The following HMGA2 variants were observed in gnomAD, a reference collection of about 807,000 sequenced individuals.
HMGA2 encodes high mobility group protein HMGI-C.
HMGA2 carries 8 observed loss-of-function variants against 19.1 expected under a neutral mutation model. The ratio of observed to expected loss-of-function variants is 0.42; its 90% CI spans 0.25 to 0.76. The LOEUF is 0.76. Ranked by LOEUF, HMGA2 falls within the 30% of genes least tolerant of loss-of-function variation. The pLI is 0.28. For synonymous variants in HMGA2, 60 were observed against 48.8 expected, an observed-to-expected ratio of 1.23 and a Z score of -0.96; for missense variants, 109 against 136.3, an observed-to-expected ratio of 0.80 and a Z score of 1.00.
chr12:65,907,634 G>T (rs929162572), intron 3 of HMGA2, among the ~76,000 whole-genome samples: 2 of 152,092 alleles, frequency 1.3e-5, no homozygotes, highest in Admixed American at 6.6e-5. Flanking sequence ...TGAGAATAGG[G>T]AACCGAAAGA....
intron 3 of HMGA2, among the ~76,000 whole-genome samples, chr12:65,861,362 T>C (rs977057616): frequency 6.6e-6 from 1 of 151,670 alleles, no homozygotes; most frequent in African/African-American, 2.4e-5. Context: ...CAAGACTCCG[T>C]CTCAAAACAA....
At chr12:65,826,337 C>A (rs1024322950) in intron 1 of HMGA2, 3 of 152,204 alleles carry the variant, frequency 2.0e-5, no homozygotes, top group African/African-American at 7.2e-5. Context: ...GAGCTGCGCT[C>A]AGCGCGCAGG....
At chr12:65,862,904 A>G (rs890649494) in intron 3 of HMGA2, among the ~76,000 whole-genome samples, 2 of 152,222 alleles carry the variant, frequency 1.3e-5, no homozygotes, top group Admixed American at 1.3e-4. Context: ...TCAACTGCCA[A>G]CGGCAGTATG....
intron 2 of HMGA2, among the ~76,000 whole-genome samples, chr12:65,836,421 G>A (rs1481127203): frequency 1.3e-5 from 2 of 151,838 alleles, no homozygotes; most frequent in African/African-American, 2.4e-5. Flanking sequence ...AGGAGTGAAA[G>A]AACACTTATG....
At chr12:65,834,285 G>T (rs1592373826) in intron 2 of HMGA2, among the ~76,000 whole-genome samples, 1 of 152,148 alleles carries the variant, frequency 6.6e-6, no homozygotes, top group Non-Finnish European at 1.5e-5. Flanking sequence ...GGTTATAAAG[G>T]GATTGGAAAT....
At chr12:65,898,681 A>G (rs1159389969) in intron 3 of HMGA2, among the ~76,000 whole-genome samples, 1 of 152,168 alleles carries the variant, frequency 6.6e-6, no homozygotes, top group Non-Finnish European at 1.5e-5. Flanking sequence ...TACTATGTCC[A>G]GCGCATGATT....
chr12:65,844,997 T>C lies in HMGA2; in HGVS notation c.249+6428T>C, dbSNP rs191603281. 2.6e-5 allele frequency among the ~76,000 whole-genome samples: 4 copies of C among 152,352 alleles called. No individual in the cohort carries two copies. The East Asian group carries it at 7.7e-4, about 29-fold the overall frequency. On this transcript the variant is annotated intron_variant, in intron 3 of 4. Transcript: ENST00000403681. ...ATGTAGAATCAGTGACCATTTTGTATGACAACAAATGTATGTAAGACTTTC... is the reference window on the plus strand; with the variant it reads ...ATGTAGAATCAGTGACCATTTTGTACGACAACAAATGTATGTAAGACTTTC...
chr12:65,944,058 C>T (rs1472834581), intron 3 of HMGA2, among the ~76,000 whole-genome samples: 1 of 152,182 alleles, frequency 6.6e-6, no homozygotes, highest in East Asian at 1.9e-4. Context: ...GAGTCTCATC[C>T]TCACAATGTT....
At chr12:65,933,419 C>T (rs368408737) in intron 3 of HMGA2, among the ~76,000 whole-genome samples, 1 of 152,220 alleles carries the variant, frequency 6.6e-6, no homozygotes, top group South Asian at 2.1e-4. Flanking sequence ...AATATTTTGT[C>T]CTTTAAGCAT....
chr12:65,867,388 G>C (rs1872481828), intron 3 of HMGA2: 2 of 390,104 alleles, frequency 5.1e-6, no homozygotes, highest in Non-Finnish European at 1.0e-5. Flanking sequence ...TAATCTGTTA[G>C]TGGGAAAGCC....
rs1873387219 is a variant in HMGA2, at chr12:65,881,536, A to C, written c.249+42967A>C. ...ACAAAACAAAAAACCACTCCAACAA[A>C]TCCTCCTGTGTGCTACCAAGTAATG... On this transcript the variant is annotated intron_variant, in intron 3 of 4. Transcript: ENST00000403681. 2.7e-5 allele frequency: 16 copies of C among 584,328 alleles called. No individual in the cohort carries two copies. The South Asian group carries it at 3.5e-4, about 13-fold the overall frequency. 36.2% of individuals were successfully genotyped at this position (584,328 alleles called of 1,614,324 possible).
intron 3 of HMGA2, among the ~76,000 whole-genome samples, chr12:65,841,694 G>A (rs1019840845): frequency 6.6e-6 from 1 of 152,206 alleles, no homozygotes; most frequent in Non-Finnish European, 1.5e-5. Flanking sequence ...TGGGTTAGAA[G>A]CCAAATTGTT....
intron 3 of HMGA2, among the ~76,000 whole-genome samples, chr12:65,948,093 C>T (rs58569716): frequency 0.011 from 1,660 of 152,034 alleles, 33 homozygotes; most frequent in East Asian, 0.086. Context: ...AGATCTCAGA[C>T]GATTATTTAA....
chr12:65,849,031 G>T (rs1871345737), intron 3 of HMGA2, among the ~76,000 whole-genome samples: 1 of 152,190 alleles, frequency 6.6e-6, no homozygotes, highest in Admixed American at 6.5e-5. Context: ...GGACTCATAC[G>T]ATTATGGTTG....
chr12:65,838,896 A>G (rs1429532688), intron 3 of HMGA2, among the ~76,000 whole-genome samples: 1 of 152,078 alleles, frequency 6.6e-6, no homozygotes, highest in Non-Finnish European at 1.5e-5. Context: ...GGTATTATGA[A>G]GCCTTGGAAG....
chr12:65,842,247 T>G, intron 3 of HMGA2: 1 of 565,466 alleles, frequency 1.8e-6, no homozygotes, highest in Non-Finnish European at 3.1e-6. Context: ...TTTCCTCATC[T>G]GCAAAAGGTA....
Position 65,855,185 on chromosome 12 carries a change from C to T in HMGA2, c.249+16616C>T, listed in dbSNP as rs556163391. 4.6e-5 allele frequency among the ~76,000 whole-genome samples: 7 copies of T among 152,114 alleles called. No individual in the cohort carries two copies. In the East Asian group the frequency reaches 1.4e-3, roughly 29 times the overall value. ...GAAGTTGTGGATGAATACCTTCATC[C>T]CCTGGAAATTCCTTGTTTCACATAG... On this transcript the variant is annotated intron_variant, in intron 3 of 4. Transcript: ENST00000403681.
intron 4 of HMGA2, among the ~76,000 whole-genome samples, chr12:65,962,505 G>A (rs1353014961): frequency 6.6e-6 from 1 of 152,138 alleles, no homozygotes; most frequent in Non-Finnish European, 1.5e-5. Flanking sequence ...AGCAGTTAAC[G>A]CCGAACTTGG....
intron 3 of HMGA2, among the ~76,000 whole-genome samples, chr12:65,840,461 C>A (rs1476090859): frequency 6.6e-6 from 1 of 152,116 alleles, no homozygotes; most frequent in Non-Finnish European, 1.5e-5. Flanking sequence ...TCTGGGAGTG[C>A]GTGCACTGGA....
Sources: gnomAD v4.1 joint callset for allele counts (sites outside exome capture counted in the v4.1 genomes callset) on GRCh38, gnomAD v4.1.1 for gene constraint, MANE v1.5 for transcripts, NCBI Gene and HGNC (gene_info 2026-07-23, HGNC 2026-07-21) for gene names.